LGALS16: variants seen among roughly 807,000 people sequenced by gnomAD.
LGALS16 encodes the protein galectin 16, also known as galectin-16.
A neutral mutation model predicts 13.2 loss-of-function variants in LGALS16; 15 were observed. That is an observed-to-expected ratio of 1.13 (90% CI 0.76 to 1.75). The LOEUF is 1.75. Among genes scored for constraint, LGALS16 ranks in the 40% most tolerant of loss-of-function variants. The pLI, the probability that LGALS16 is intolerant of heterozygous loss-of-function variation, is 0.00. For missense variants in LGALS16, 198 were observed against 178.4 expected, an observed-to-expected ratio of 1.11 and a Z score of -0.63; for synonymous variants, 66 against 65.4, an observed-to-expected ratio of 1.01 and a Z score of -0.05.
intron 1 of LGALS16, among the ~76,000 whole-genome samples, chr19:39,657,625 A>G (rs952696012): frequency 3.3e-5 from 5 of 152,146 alleles, no homozygotes; most frequent in African/African-American, 4.8e-5. Flanking sequence ...GAAGTCAAGT[A>G]ACCGATCTAA....
intron 3 of LGALS16, 100 bp downstream of exon 3, chr19:39,658,770 T>C: frequency 1.4e-6 from 1 of 735,446 alleles, no homozygotes. Context: ...AGGGCCCATC[T>C]CCCGTAACTA....
chr19:39,659,040 C>CA (rs1469508916), intron 3 of LGALS16, among the ~76,000 whole-genome samples: 1 of 151,872 alleles, frequency 6.6e-6, no homozygotes, highest in Non-Finnish European at 1.5e-5. Flanking sequence ...TTTTGGGCCC[C>CA]AATTCTACTC....
intron 3 of LGALS16, among the ~76,000 whole-genome samples, chr19:39,659,307 C>G (rs1250774636): frequency 6.6e-6 from 1 of 152,052 alleles, no homozygotes; most frequent in African/African-American, 2.4e-5. Flanking sequence ...TCTTGAACTC[C>G]CAGCCTCAAG....
chr19:39,658,310 G>T (rs998018052), intron 2 of LGALS16, 150 bp from the exon 3 acceptor site: 2 of 704,354 alleles, frequency 2.8e-6, no homozygotes, highest in Non-Finnish European at 4.9e-6. Context: ...GGGGCACGAG[G>T]AGCTGAAGCA....
In LGALS16 at chr19:39,660,567, G is replaced by A. The variant is rs2144866835; in HGVS notation, c.*47G>A. 6.6e-7 allele frequency: 1 copy of A among 1,510,146 alleles called. No homozygotes were observed. Among genetic ancestry groups the A allele is most frequent in the Non-Finnish European group, 8.9e-7 (1 of 1,118,876 alleles). The allele number at this position is 1,510,146 out of a possible 1,614,324, so 93.5% of individuals were successfully genotyped here. A position where few individuals can be genotyped will look rare whatever the true frequency, so the allele number is the denominator to read the frequency against. On this transcript the variant is annotated 3_prime_UTR_variant, in exon 4 of 4. Coordinates refer to ENST00000392051, the MANE Select transcript of LGALS16 (RefSeq NM_001190441.3). ...AAACCCTCTTTCTACCTGACCATGG[G>A]ATTCCTAGAGCCTGCTAACAGAATA...
chr19:39,660,563 A>T lies in LGALS16; in HGVS notation c.*43A>T. Reference sequence around the variant, plus strand: ...GAGGAAACCCTCTTTCTACCTGACCATGGGATTCCTAGAGCCTGCTAACAG... The same window carrying T: ...GAGGAAACCCTCTTTCTACCTGACCTTGGGATTCCTAGAGCCTGCTAACAG... On this transcript the variant is annotated 3_prime_UTR_variant, in exon 4 of 4. Transcript: ENST00000392051. The T allele has an allele frequency of 6.5e-7, 1 of 1,529,426 alleles. No homozygotes were observed. The highest frequency in any genetic ancestry group is 1.2e-5 in the South Asian group (1 of 84,440). 94.7% of individuals were successfully genotyped at this position (1,529,426 alleles called of 1,614,324 possible).
At chr19:39,658,035 G>C (rs1029415431) in intron 2 of LGALS16, 76 bp downstream of exon 2, 2 of 1,550,634 alleles carry the variant, frequency 1.3e-6, no homozygotes, top group African/African-American at 2.7e-5. Context: ...CTTATGTGTG[G>C]GTGATGTGGA....
chr19:39,659,102 C>CTTT (rs74178093), intron 3 of LGALS16, among the ~76,000 whole-genome samples: 2 of 140,804 alleles, frequency 1.4e-5, no homozygotes, highest in Non-Finnish European at 1.5e-5. Flanking sequence ...AATCCTTTTT[C>CTTT]TTTTTTTTTT....
At chr19:39,656,664 C>T (rs1274380829) in intron 1 of LGALS16, among the ~76,000 whole-genome samples, 1 of 152,026 alleles carries the variant, frequency 6.6e-6, no homozygotes, top group African/African-American at 2.4e-5. Flanking sequence ...GTAGATGTCT[C>T]TTCCCAGTAA....
chr19:39,658,226 C>A (rs1223554770), intron 2 of LGALS16, among the ~76,000 whole-genome samples: 1 of 152,168 alleles, frequency 6.6e-6, no homozygotes, highest in Non-Finnish European at 1.5e-5. Flanking sequence ...AGGGAATGAA[C>A]AAGTCACAGG....
Position 39,658,532 on chromosome 19 carries a change from A to G in LGALS16, c.165A>G (p.Arg55=). 1 of 1,608,088 alleles carries G rather than the reference A, an allele frequency of 6.2e-7. No homozygotes were observed. The highest frequency in any genetic ancestry group is 1.7e-5 in the Admixed American group (1 of 59,502). ...ACTCAGAAATTGCCTTCCATTTGCG[A>G]GTGCACTTAGGCCGTCGTGTGGTCA... The part of the protein sequence containing the change: ...NEDSEIAFHL[R]VHLGRRVVMN... The change falls in exon 3 of 4, where the codon CGA becomes CGG. Residue 55 remains arginine, a synonymous_variant. Coordinates refer to ENST00000392051, the MANE Select transcript of LGALS16 (RefSeq NM_001190441.3).
intron 1 of LGALS16, 54 bp downstream of exon 1, chr19:39,656,030 A>T: frequency 6.3e-7 from 1 of 1,577,016 alleles, no homozygotes; most frequent in Non-Finnish European, 8.7e-7. Context: ...AAACCAAGAA[A>T]GATGTGGGGT....
intron 1 of LGALS16, 65 bp from the exon 2 acceptor site, chr19:39,657,818 T>C (rs140750342): frequency 1.1e-5 from 17 of 1,549,510 alleles, no homozygotes; most frequent in Non-Finnish European, 1.5e-5. Flanking sequence ...ACCATGGGAA[T>C]ATGTTACAGG....
chr19:39,658,724 A>C (rs1973226755), intron 3 of LGALS16, 54 bp downstream of exon 3: 1 of 1,189,106 alleles, frequency 8.4e-7, no homozygotes, highest in Non-Finnish European at 1.2e-6. Flanking sequence ...CCAGAGCAGG[A>C]GTCAGCTCTC....
At chr19:39,656,752 G>A (rs1166212939) in intron 1 of LGALS16, among the ~76,000 whole-genome samples, 1 of 151,996 alleles carries the variant, frequency 6.6e-6, no homozygotes. Flanking sequence ...ACTGTCTCTT[G>A]CCTCCCAGGC....
rs769600074 is a variant in LGALS16 at position 39,658,455 on chromosome 19, C to T, written c.93-5C>T. Reference sequence around the variant, plus strand: ...TGTCCAATATGCTGTGTGCTTTGCCCTCAGCAACGAACCACAGCTGCAGGT... The same window carrying T: ...TGTCCAATATGCTGTGTGCTTTGCCTTCAGCAACGAACCACAGCTGCAGGT... On this transcript the variant is annotated splice_region_variant and splice_polypyrimidine_tract_variant and intron_variant, in intron 2 of 3. Coordinates refer to ENST00000392051, the MANE Select transcript of LGALS16 (RefSeq NM_001190441.3). The T allele has an allele frequency of 2.5e-6, 4 of 1,590,714 alleles. No individual in the cohort carries two copies. The African/African-American group carries it at 5.4e-5, about 21-fold the overall frequency.
chr19:39,657,187 C>T (rs1256977548), intron 1 of LGALS16, among the ~76,000 whole-genome samples: 2 of 152,130 alleles, frequency 1.3e-5, no homozygotes, highest in East Asian at 1.9e-4. Context: ...ATCACTGCAG[C>T]CCAGGAGTTC....
chr19:39,658,074 A>T lies in LGALS16; in HGVS notation c.92+115A>T. ...GTCTAATTGGCAGGATGGAGGCCCCATGCAGGTGCAGGTCCTGGAGACCCT... is the reference window on the plus strand; with the variant it reads ...GTCTAATTGGCAGGATGGAGGCCCCTTGCAGGTGCAGGTCCTGGAGACCCT... On this transcript the variant is annotated intron_variant, in intron 2 of 3. Coordinates refer to ENST00000392051, the MANE Select transcript of LGALS16 (RefSeq NM_001190441.3). The T allele has an allele frequency of 4.0e-6, 5 of 1,256,656 alleles. No homozygotes were observed. In the East Asian group the frequency reaches 1.2e-4, roughly 30 times the overall value. 77.8% of individuals were successfully genotyped at this position (1,256,656 alleles called of 1,614,324 possible). A position where few individuals can be genotyped will look rare whatever the true frequency, so the allele number is the denominator to read the frequency against.
At chr19:39,657,841 A>G (rs1325359897) in intron 1 of LGALS16, 42 bp from the exon 2 acceptor site, 2 of 1,604,204 alleles carry the variant, frequency 1.2e-6, no homozygotes, top group Non-Finnish European at 1.7e-6. Context: ...GGGAGACTGC[A>G]CCTGACCCTG....
Sources: gnomAD v4.1 joint callset for allele counts (sites outside exome capture counted in the v4.1 genomes callset) on GRCh38, gnomAD v4.1.1 for gene constraint, MANE v1.5 for transcripts, NCBI Gene and HGNC (gene_info 2026-07-23, HGNC 2026-07-21) for gene names.